The following SYTL5 variants were observed in gnomAD, a reference collection of about 807,000 sequenced individuals.
The protein encoded by SYTL5 is synaptotagmin like 5, also known as synaptotagmin-like protein 5.
Under a neutral mutation model 55.9 loss-of-function variants are expected in SYTL5, and 34 were observed. The observed-to-expected ratio is 0.61, with a 90% CI of 0.46 to 0.81. SYTL5 has a LOEUF of 0.81. Ranked by LOEUF, SYTL5 falls within the 30% of genes least tolerant of loss-of-function variation. The pLI is 0.00. For synonymous variants in SYTL5, 221 were observed against 188.7 expected (o/e 1.17, Z -1.40); for missense variants, 637 against 546.7 (o/e 1.17, Z -1.65).
intron 13 of SYTL5, among the ~76,000 whole-genome samples, chrX:38,111,026 A>G (rs1937345525): frequency 8.9e-6 from 1 of 112,189 alleles, no homozygotes; most frequent in Non-Finnish European, 1.9e-5. Context: ...TTAAATGCCA[A>G]TACTGTATAG....
chrX:37,932,033 C>T, the SYTL5 span, among the ~76,000 whole-genome samples: 343 of 110,232 alleles, frequency 3.1e-3, 1 homozygote, highest in African/African-American at 0.011. Context: ...TATAGGAAAG[C>T]TAGCTTGTTA....
chrX:37,968,766 C>T, the SYTL5 span, among the ~76,000 whole-genome samples: 1 of 111,577 alleles, frequency 9.0e-6, no homozygotes, highest in South Asian at 3.8e-4. Flanking sequence ...CAGGAATAAC[C>T]CCCTGTGCAT....
At chrX:38,081,865 C>G (rs1482706887) in intron 6 of SYTL5, among the ~76,000 whole-genome samples, 2 of 111,330 alleles carry the variant, frequency 1.8e-5, no homozygotes, top group African/African-American at 6.5e-5. Flanking sequence ...CACAGGGGCT[C>G]CATGCTCCCA....
At chrX:37,899,182 C>A in the SYTL5 span, among the ~76,000 whole-genome samples, 245 of 111,242 alleles carry the variant, frequency 2.2e-3, 2 homozygotes, top group African/African-American at 7.7e-3. Flanking sequence ...TATTATACAT[C>A]ATTTATTATT....
At chrX:38,031,923 G>A (rs1487821634) in intron 1 of SYTL5, among the ~76,000 whole-genome samples, 4 of 112,293 alleles carry the variant, frequency 3.6e-5, no homozygotes, top group Middle Eastern at 4.6e-3. Flanking sequence ...GCACTAACCT[G>A]AACAGCTTCC....
the SYTL5 span, among the ~76,000 whole-genome samples, chrX:37,903,261 T>C: frequency 1.8e-5 from 2 of 108,546 alleles, no homozygotes; most frequent in African/African-American, 6.8e-5. Flanking sequence ...GTATGTTTAT[T>C]GCGGCACTAT....
the SYTL5 span, among the ~76,000 whole-genome samples, chrX:37,890,999 G>A: frequency 2.1e-4 from 23 of 111,722 alleles, 1 homozygote; most frequent in South Asian, 8.6e-3. Flanking sequence ...AGCAAGACCT[G>A]TCTCTACAAA....
chrX:37,895,118 C>T, the SYTL5 span, among the ~76,000 whole-genome samples: 11,469 of 111,349 alleles, frequency 0.1, 1,427 homozygotes, highest in African/African-American at 0.35. Flanking sequence ...TGGAGAATCC[C>T]GACAGAGCTG....
intron 15 of SYTL5, 90 bp downstream of exon 15, chrX:38,122,305 G>A (rs1937580078): frequency 2.1e-5 from 18 of 848,892 alleles, no homozygotes; most frequent in African/African-American, 4.1e-5. Context: ...TGAGCCTTCC[G>A]TGTTCTGTTT....
chrX:37,974,331 C>T, the SYTL5 span, among the ~76,000 whole-genome samples: 1 of 111,855 alleles, frequency 8.9e-6, no homozygotes, highest in Non-Finnish European at 1.9e-5. Flanking sequence ...TAAAGCCAGT[C>T]AAGAAAAATC....
Position 38,102,382 on chromosome X carries a change from T to G in SYTL5, c.1103T>G (p.Val368Gly), listed in dbSNP as rs752291901. 8.3e-7 allele frequency: 1 copy of G among 1,209,851 alleles called. No individual in the cohort carries two copies. Among genetic ancestry groups the G allele is most frequent in the East Asian group, 3.0e-5 (1 of 33,830 alleles). ...ACTGAAGAAAGCATTGATGCCTTAGTGTCCTCGCAGTTATCTACAAACACT... is the reference window on the plus strand; with the variant it reads ...ACTGAAGAAAGCATTGATGCCTTAGGGTCCTCGCAGTTATCTACAAACACT... ...EETEESIDAL[V>G]SSQLSTNTHR... is the part of the protein sequence containing the mutation. The change falls in exon 10 of 17, where the codon GTG becomes GGG. Residue 368 changes from valine (V) to glycine (G), a missense_variant. Val to Gly is a moderately radical substitution (Grantham distance 109). Coordinates refer to ENST00000297875, the MANE Select transcript of SYTL5 (RefSeq NM_138780.3).
intron 1 of SYTL5, 137 bp downstream of exon 1, chrX:38,006,805 A>G (rs1934004772): frequency 9.0e-6 from 1 of 111,371 alleles, no homozygotes; most frequent in African/African-American, 3.3e-5. Context: ...ATTGTATTTT[A>G]CAGTAAAAAA....
chrX:37,898,583 T>A, the SYTL5 span, among the ~76,000 whole-genome samples: 2 of 112,489 alleles, frequency 1.8e-5, no homozygotes. Context: ...AATATAATTA[T>A]CTTGTGATTT....
the SYTL5 span, among the ~76,000 whole-genome samples, chrX:37,990,337 A>G: frequency 8.9e-6 from 1 of 112,185 alleles, no homozygotes; most frequent in South Asian, 3.7e-4. Flanking sequence ...CATCAGTAAT[A>G]TTAAATGATT....
chrX:38,062,045 ACAGCCTCTGCCTCC>A (rs1489502685), intron 3 of SYTL5, among the ~76,000 whole-genome samples: 5 of 110,067 alleles, frequency 4.5e-5, no homozygotes, highest in African/African-American at 1.7e-4. Flanking sequence ...TCGACTCACT[ACAGCCTCTGCCTCC>A]CAGGTTCAAG....
At chrX:37,978,047 A>G in the SYTL5 span, among the ~76,000 whole-genome samples, 1 of 111,843 alleles carries the variant, frequency 8.9e-6, no homozygotes, top group Admixed American at 9.5e-5. Context: ...TTATTTCACT[A>G]GTGCAATCAC....
At chrX:37,947,491 C>T in the SYTL5 span, among the ~76,000 whole-genome samples, 1 of 111,874 alleles carries the variant, frequency 8.9e-6, no homozygotes, top group African/African-American at 3.2e-5. Flanking sequence ...CACCCTCTGC[C>T]ATGATTGTAA....
the SYTL5 span, among the ~76,000 whole-genome samples, chrX:37,897,482 CA>C: frequency 6.4e-3 from 433 of 68,135 alleles, no homozygotes; most frequent in East Asian, 0.03. Context: ...GACTCCATCT[CA>C]AAAAAAAAAA....
chrX:38,089,438 T>C lies in SYTL5; in HGVS notation c.690-8T>C, dbSNP rs1271398861. 8.3e-7 allele frequency: 1 copy of C among 1,199,563 alleles called. No homozygotes were observed. Among genetic ancestry groups the C allele is most frequent in the Non-Finnish European group, 1.1e-6 (1 of 891,065 alleles). ...CATGTTAAAGTCAGAATATGCTTTC[T>C]CATTTAGGGGAAGCACTGGCTCATC... is the stretch of plus-strand genomic sequence containing the variant. On this transcript the variant is annotated splice_polypyrimidine_tract_variant and splice_region_variant and intron_variant, in intron 6 of 16. Transcript: ENST00000297875.
Sources: allele counts gnomAD v4.1 joint callset (sites outside exome capture counted in the v4.1 genomes callset), GRCh38; gene constraint gnomAD v4.1.1; transcripts MANE v1.5; gene names NCBI Gene and HGNC (gene_info 2026-07-23, HGNC 2026-07-21).